Variants in SHISA9 observed in about 807,000 individuals in gnomAD.
SHISA9 encodes the protein shisa family member 9.
SHISA9 carries 13 observed loss-of-function variants against 38.0 expected under a neutral mutation model. The ratio of observed to expected loss-of-function variants is 0.34; its 90% CI spans 0.22 to 0.54. The LOEUF is 0.54. Ranked by LOEUF, SHISA9 falls within the 20% of genes least tolerant of loss-of-function variation. The pLI is 0.91. For missense variants in SHISA9, 538 were observed against 575.8 expected (o/e 0.93, Z 0.67); for synonymous variants, 275 against 242.0 (o/e 1.14, Z -1.27).
the SHISA9 span, among the ~76,000 whole-genome samples, chr16:13,447,906 T>C: frequency 2.0e-5 from 3 of 152,220 alleles, no homozygotes; most frequent in Admixed American, 1.3e-4. Flanking sequence ...TTTGAACGCA[T>C]GATGGACTTG....
At chr16:13,481,600 T>G in the SHISA9 span, among the ~76,000 whole-genome samples, 8 of 152,184 alleles carry the variant, frequency 5.3e-5, no homozygotes, top group Non-Finnish European at 8.8e-5. Flanking sequence ...GTAAACACTG[T>G]GAGACCAGTC....
At chr16:13,255,779 A>G in the SHISA9 span, among the ~76,000 whole-genome samples, 9 of 152,346 alleles carry the variant, frequency 5.9e-5, no homozygotes, top group East Asian at 1.7e-3. Flanking sequence ...GGGAGAAGTG[A>G]AAGAAAAGAC....
At chr16:13,405,948 A>C in the SHISA9 span, among the ~76,000 whole-genome samples, 1 of 151,986 alleles carries the variant, frequency 6.6e-6, no homozygotes, top group African/African-American at 2.4e-5. Flanking sequence ...TGACAAAAAA[A>C]AAAAAAAGCA....
chr16:13,144,729 T>C lies in SHISA9; in HGVS notation c.692-58665T>C, dbSNP rs572779397. Among the ~76,000 whole-genome samples the C allele has an allele frequency of 2.0e-5, 3 of 152,340 alleles. No individual in the cohort carries two copies. In the East Asian group the frequency reaches 5.8e-4, roughly 29 times the overall value. ...TGCTGAAACTGGACTTCTGTTGATT[T>C]TGGGCCTTGGTTTGGACAAATGGAG... On this transcript the variant is annotated intron_variant, in intron 2 of 4. Transcript: ENST00000558583.
intron 1 of SHISA9, among the ~76,000 whole-genome samples, chr16:12,906,473 C>T (rs943670537): frequency 2.0e-5 from 3 of 151,954 alleles, no homozygotes; most frequent in African/African-American, 7.3e-5. Flanking sequence ...GGGGGAGGCT[C>T]GCATGGGATC....
chr16:13,446,215 G>A, the SHISA9 span, among the ~76,000 whole-genome samples: 33 of 152,244 alleles, frequency 2.2e-4, no homozygotes, highest in African/African-American at 7.2e-4. Flanking sequence ...AAAGTGCTGG[G>A]ATTACAGGTG....
chr16:13,279,029 C>A, the SHISA9 span, among the ~76,000 whole-genome samples: 1 of 151,898 alleles, frequency 6.6e-6, no homozygotes, highest in African/African-American at 2.4e-5. Flanking sequence ...TTTCAGTCTT[C>A]CTGATGTAGG....
In SHISA9 at chr16:13,238,093, AC is replaced by A. The variant is rs2051402904; in HGVS notation, c.*2685del. 6.6e-6 allele frequency: 1 copy of A among 152,196 alleles called. No homozygotes were observed. Among genetic ancestry groups the A allele is most frequent in the Non-Finnish European group, 1.5e-5 (1 of 68,022 alleles). 9.4% of individuals were successfully genotyped at this position (152,196 alleles called of 1,614,324 possible). A position where few individuals can be genotyped will look rare whatever the true frequency, so the allele number is the denominator to read the frequency against. ...TGGAGTCTGTTGTCTGTGAGTCTGAACTAAAGCCTGGGGTTCTTTCTTTCTC... is the reference window on the plus strand; with the variant it reads ...TGGAGTCTGTTGTCTGTGAGTCTGAATAAAGCCTGGGGTTCTTTCTTTCTC... On this transcript the variant is annotated 3_prime_UTR_variant, in exon 5 of 5. Transcript: ENST00000558583.
chr16:13,282,121 T>C, the SHISA9 span, among the ~76,000 whole-genome samples: 2 of 151,966 alleles, frequency 1.3e-5, no homozygotes, highest in Non-Finnish European at 2.9e-5. Flanking sequence ...TTCAAGTTTC[T>C]ATCTGATATT....
chr16:13,058,377 G>A (rs2073334509), intron 2 of SHISA9, among the ~76,000 whole-genome samples: 1 of 152,160 alleles, frequency 6.6e-6, no homozygotes. Context: ...TTATTACTCA[G>A]GGCCTCCCTG....
At chr16:13,070,429 G>A (rs1048798527) in intron 2 of SHISA9, among the ~76,000 whole-genome samples, 2 of 152,174 alleles carry the variant, frequency 1.3e-5, no homozygotes, top group Non-Finnish European at 2.9e-5. Context: ...ACTCTGGGTT[G>A]GCGGGCAGAT....
At chr16:13,392,709 T>C in the SHISA9 span, among the ~76,000 whole-genome samples, 1 of 152,234 alleles carries the variant, frequency 6.6e-6, no homozygotes, top group Non-Finnish European at 1.5e-5. Context: ...GGCTGCGATA[T>C]GACTGGTGTC....
At chr16:13,101,015 T>C (rs892638105) in intron 2 of SHISA9, among the ~76,000 whole-genome samples, 1 of 152,220 alleles carries the variant, frequency 6.6e-6, no homozygotes, top group Admixed American at 6.5e-5. Context: ...CTATTTTAGA[T>C]TCCATATCTA....
intron 2 of SHISA9, among the ~76,000 whole-genome samples, chr16:13,154,288 C>T (rs552644715): frequency 2.0e-4 from 31 of 152,262 alleles, no homozygotes; most frequent in African/African-American, 5.8e-4. Flanking sequence ...GTTCTCCTCC[C>T]AAGCACAAGA....
At chr16:12,933,296 G>C (rs1222860401) in intron 2 of SHISA9, among the ~76,000 whole-genome samples, 1 of 151,358 alleles carries the variant, frequency 6.6e-6, no homozygotes, top group Non-Finnish European at 1.5e-5. Context: ...AGTTGTCTTT[G>C]TTGTCTTTTT....
the SHISA9 span, among the ~76,000 whole-genome samples, chr16:13,456,584 C>A: frequency 1.3e-5 from 2 of 152,188 alleles, no homozygotes; most frequent in Non-Finnish European, 2.9e-5. Flanking sequence ...TTTCCAAACT[C>A]CTGGAATGTC....
chr16:12,931,660 G>T (rs775651914), intron 2 of SHISA9, among the ~76,000 whole-genome samples: 1 of 152,104 alleles, frequency 6.6e-6, no homozygotes, highest in Non-Finnish European at 1.5e-5. Context: ...TGGTGTATAT[G>T]TACCACATTT....
the SHISA9 span, among the ~76,000 whole-genome samples, chr16:13,296,850 C>T: frequency 3.5e-5 from 5 of 140,972 alleles, no homozygotes; most frequent in South Asian, 2.2e-4. Flanking sequence ...GAGAGCATGC[C>T]CTTGCACTTC....
At chr16:13,514,904 T>A in the SHISA9 span, among the ~76,000 whole-genome samples, 2 of 151,996 alleles carry the variant, frequency 1.3e-5, no homozygotes, top group African/African-American at 4.8e-5. Context: ...AAATACACAT[T>A]ATGTAAAAAG....
Sources: gnomAD v4.1 joint callset for allele counts (sites outside exome capture counted in the v4.1 genomes callset) on GRCh38, gnomAD v4.1.1 for gene constraint, MANE v1.5 for transcripts, NCBI Gene and HGNC (gene_info 2026-07-23, HGNC 2026-07-21) for gene names.